SYNDIG1: variants seen among roughly 807,000 people sequenced by gnomAD.
The protein encoded by SYNDIG1 is synapse differentiation-inducing gene protein 1.
SYNDIG1 carries 9 observed loss-of-function variants against 19.4 expected under a neutral mutation model. That is an observed-to-expected ratio of 0.46 (90% CI 0.28 to 0.81). The LOEUF is 0.81. Ranked by LOEUF, SYNDIG1 falls within the 30% of genes least tolerant of loss-of-function variation. SYNDIG1 has a pLI of 0.12. For synonymous variants in SYNDIG1, 141 were observed against 145.9 expected, an observed-to-expected ratio of 0.97 and a Z score of 0.24; for missense variants, 311 against 343.3, an observed-to-expected ratio of 0.91 and a Z score of 0.74.
intron 1 of SYNDIG1, among the ~76,000 whole-genome samples, chr20:24,516,820 A>G (rs997798270): frequency 2.0e-5 from 3 of 152,174 alleles, no homozygotes; most frequent in Non-Finnish European, 2.9e-5. Context: ...ATTACTGGGT[A>G]TGTACCCAAA....
intron 3 of SYNDIG1, among the ~76,000 whole-genome samples, chr20:24,588,431 G>A (rs765349780): frequency 7.2e-5 from 11 of 152,236 alleles, no homozygotes; most frequent in Admixed American, 3.9e-4. Flanking sequence ...CAGGTTCAGC[G>A]CTGGAGCCAT....
chr20:24,561,738 G>A (rs1023527917), intron 2 of SYNDIG1, among the ~76,000 whole-genome samples: 5 of 152,108 alleles, frequency 3.3e-5, no homozygotes, highest in Admixed American at 3.3e-4. Flanking sequence ...GACTGCCCTA[G>A]CAGAAGCCGT....
intron 1 of SYNDIG1, among the ~76,000 whole-genome samples, chr20:24,487,625 G>A (rs1325171143): frequency 6.6e-6 from 1 of 152,240 alleles, no homozygotes; most frequent in Non-Finnish European, 1.5e-5. Flanking sequence ...GCACACAGAT[G>A]TGTATGTGTA....
intron 1 of SYNDIG1, among the ~76,000 whole-genome samples, chr20:24,477,939 G>A (rs2146218328): frequency 6.6e-6 from 1 of 152,356 alleles, no homozygotes; most frequent in South Asian, 2.1e-4. Context: ...CTAAGACACA[G>A]ACGTGGGCTT....
intron 2 of SYNDIG1, among the ~76,000 whole-genome samples, chr20:24,568,433 TC>T (rs1412873437): frequency 2.6e-5 from 4 of 152,292 alleles, no homozygotes; most frequent in Admixed American, 6.5e-5. Flanking sequence ...AATATCAGAC[TC>T]CTAGGGCTGG....
intron 1 of SYNDIG1, among the ~76,000 whole-genome samples, chr20:24,477,346 C>CT (rs895326191): frequency 4.0e-5 from 6 of 148,914 alleles, no homozygotes; most frequent in Non-Finnish European, 7.4e-5. Context: ...TTTTTTTTTT[C>CT]TTTTTTTACC....
At chr20:24,548,140 C>T (rs1436066153) in intron 2 of SYNDIG1, among the ~76,000 whole-genome samples, 2 of 152,306 alleles carry the variant, frequency 1.3e-5, no homozygotes, top group East Asian at 1.9e-4. Flanking sequence ...TCATCCTACA[C>T]GTGGAGAGAC....
chr20:24,607,284 C>T (rs1230723941), intron 3 of SYNDIG1, among the ~76,000 whole-genome samples: 1 of 151,600 alleles, frequency 6.6e-6, no homozygotes, highest in Non-Finnish European at 1.5e-5. Flanking sequence ...TTGCTTGAAC[C>T]CAGGAGGCGG....
chr20:24,497,935 GT>G lies in SYNDIG1; in HGVS notation c.-79+28183del, dbSNP rs140582612. On this transcript the variant is annotated intron_variant, in intron 1 of 3. Coordinates refer to ENST00000376862, the MANE Select transcript of SYNDIG1 (RefSeq NM_024893.3). ...GTAAAGAGCTCTTTCAACCTGGATTGTCCAGACCCATGATCTTACACTGGAA... is the reference window on the plus strand; with the variant it reads ...GTAAAGAGCTCTTTCAACCTGGATTGCCAGACCCATGATCTTACACTGGAA... 4.9e-3 allele frequency among the ~76,000 whole-genome samples: 749 copies of G among 152,326 alleles called. 10 individuals carry two copies. Among genetic ancestry groups the G allele is most frequent in the African/African-American group, 0.018 (728 of 41,566 alleles).
At chr20:24,586,664 C>T (rs899311655) in intron 3 of SYNDIG1, among the ~76,000 whole-genome samples, 3 of 152,188 alleles carry the variant, frequency 2.0e-5, no homozygotes, top group Non-Finnish European at 2.9e-5. Flanking sequence ...TCCAGCCCTG[C>T]GTCATCTCCA....
At chr20:24,585,935 G>A (rs1353132117) in intron 3 of SYNDIG1, among the ~76,000 whole-genome samples, 1 of 152,234 alleles carries the variant, frequency 6.6e-6, no homozygotes, top group Admixed American at 6.5e-5. Flanking sequence ...GCACACAACT[G>A]AGCCTGGCAG....
chr20:24,576,801 C>T (rs1390574346), intron 2 of SYNDIG1, among the ~76,000 whole-genome samples: 2 of 152,122 alleles, frequency 1.3e-5, no homozygotes, highest in Non-Finnish European at 2.9e-5. Flanking sequence ...CATCTCTCAG[C>T]AATCCAGCAT....
Position 24,543,316 on chromosome 20 carries a change from G to A in SYNDIG1, c.219G>A (p.Leu73=). The A allele has an allele frequency of 6.2e-7, 1 of 1,613,546 alleles. No individual in the cohort carries two copies. Among genetic ancestry groups the A allele is most frequent in the Non-Finnish European group, 8.5e-7 (1 of 1,180,034 alleles). Residue 73 remains leucine, a synonymous_variant, in exon 2 of 4, where the codon CTG becomes CTA. Coordinates refer to ENST00000376862, the MANE Select transcript of SYNDIG1 (RefSeq NM_024893.3). ...DSSRSEPMQQ[L]LDPNTLQQSV... is the part of the protein sequence containing the mutation. Reference sequence around the variant, plus strand: ...GCAGGAGTGAGCCGATGCAGCAGCTGCTGGACCCCAACACCCTGCAGCAGT... The same window carrying A: ...GCAGGAGTGAGCCGATGCAGCAGCTACTGGACCCCAACACCCTGCAGCAGT...
At position 24,665,590 on chromosome 20, in the gene SYNDIG1, A is replaced by G; in HGVS notation, c.*86A>G. On this transcript the variant is annotated 3_prime_UTR_variant, in exon 4 of 4. Transcript: ENST00000376862. ...GGCATACCGCATGATGCTGTACAGTACAAATGATTGCCAAATGATGCCACG... is the reference window on the plus strand; with the variant it reads ...GGCATACCGCATGATGCTGTACAGTGCAAATGATTGCCAAATGATGCCACG... 1 of 1,533,962 alleles carries G rather than the reference A, an allele frequency of 6.5e-7. No homozygotes were observed. The highest frequency in any genetic ancestry group is 8.8e-7 in the Non-Finnish European group (1 of 1,139,958).
intron 3 of SYNDIG1, among the ~76,000 whole-genome samples, chr20:24,600,389 G>A (rs924037155): frequency 6.6e-6 from 1 of 152,076 alleles, no homozygotes; most frequent in African/African-American, 2.4e-5. Context: ...TTTAAAGCAA[G>A]TGGCCAAGTC....
In SYNDIG1 at chr20:24,570,585, G is replaced by T. The variant is rs55895654; in HGVS notation, c.481-14271G>T. 1.4e-3 allele frequency among the ~76,000 whole-genome samples: 210 copies of T among 152,304 alleles called. 1 individual carries two copies. The highest frequency in any genetic ancestry group is 4.6e-3 in the African/African-American group (193 of 41,564). The stretch of plus-strand genomic sequence containing the variant: ...CATCATTAGCCATCAGGGAAATGCA[G>T]ACTAAAACCATGATTATATACCACT... On this transcript the variant is annotated intron_variant, in intron 2 of 3. Transcript: ENST00000376862.
chr20:24,599,221 T>G (rs1600715820), intron 3 of SYNDIG1, among the ~76,000 whole-genome samples: 1 of 152,104 alleles, frequency 6.6e-6, no homozygotes, highest in African/African-American at 2.4e-5. Context: ...TGCTAACAGA[T>G]GTATGAAAAA....
At chr20:24,471,750 T>C (rs895512079) in intron 1 of SYNDIG1, among the ~76,000 whole-genome samples, 1 of 152,140 alleles carries the variant, frequency 6.6e-6, no homozygotes, top group African/African-American at 2.4e-5. Context: ...TGCAGTTACC[T>C]TTGGTAGAGT....
At chr20:24,603,657 C>G (rs928507084) in intron 3 of SYNDIG1, among the ~76,000 whole-genome samples, 3 of 152,166 alleles carry the variant, frequency 2.0e-5, no homozygotes, top group African/African-American at 7.2e-5. Flanking sequence ...ACAGGGCATT[C>G]TCAGCGAGGA....
Sources: allele counts gnomAD v4.1 joint callset (sites outside exome capture counted in the v4.1 genomes callset), GRCh38; gene constraint gnomAD v4.1.1; transcripts MANE v1.5; gene names NCBI Gene and HGNC (gene_info 2026-07-23, HGNC 2026-07-21).